PCDH9: variants seen among roughly 807,000 people sequenced by gnomAD.
PCDH9 encodes the protein protocadherin 9, also known as protocadherin-9.
PCDH9 carries 24 observed loss-of-function variants against 70.6 expected under a neutral mutation model. The ratio of observed to expected loss-of-function variants is 0.34; its 90% confidence interval spans 0.25 to 0.48. The LOEUF (loss-of-function observed/expected upper bound fraction) is 0.48. Ranked by LOEUF, PCDH9 falls within the 20% of genes least tolerant of loss-of-function variation. PCDH9 has a pLI of 0.99. For missense variants in PCDH9, 1,281 were observed against 1,503.6 expected (o/e 0.85, Z 2.45); for synonymous variants, 562 against 558.5 (o/e 1.01, Z -0.09).
chr13:66,713,373 A>G lies in PCDH9; in HGVS notation c.3139-81962T>C, dbSNP rs932116855. On this transcript the variant is annotated intron_variant, in intron 3 of 4. Transcript: ENST00000377865. ...TGCTGTCTTAGGAAAATAAAATTCA[A>G]AGTAGTGGCCAGACATAGCATTATC... 1.3e-5 allele frequency among the ~76,000 whole-genome samples: 2 copies of G among 151,776 alleles called. 1 individual carries two copies. Among genetic ancestry groups the G allele is most frequent in the Admixed American group, 1.3e-4 (2 of 15,236 alleles).
intron 2 of PCDH9, among the ~76,000 whole-genome samples, chr13:66,931,022 T>G (rs1311960123): frequency 6.6e-6 from 1 of 152,136 alleles, no homozygotes; most frequent in African/African-American, 2.4e-5. Flanking sequence ...ACTGAATGTG[T>G]TCAGGGTTTT....
At chr13:66,869,334 C>T (rs188477899) in intron 3 of PCDH9, among the ~76,000 whole-genome samples, 23 of 152,158 alleles carry the variant, frequency 1.5e-4, no homozygotes, top group Admixed American at 1.4e-3. Context: ...TTCTTGAAGG[C>T]CTACAGTAGG....
intron 2 of PCDH9, among the ~76,000 whole-genome samples, chr13:66,924,892 G>C (rs1324526831): frequency 1.3e-5 from 2 of 151,730 alleles, no homozygotes. Flanking sequence ...GGGCAAACTG[G>C]AACACTGGAA....
intron 3 of PCDH9, among the ~76,000 whole-genome samples, chr13:66,850,160 A>G (rs1036143119): frequency 6.6e-6 from 1 of 152,230 alleles, no homozygotes; most frequent in Non-Finnish European, 1.5e-5. Context: ...TGATTGCTTA[A>G]GAACACTAAA....
At chr13:66,563,480 G>C (rs1031442004) in intron 4 of PCDH9, among the ~76,000 whole-genome samples, 2 of 152,220 alleles carry the variant, frequency 1.3e-5, no homozygotes, top group South Asian at 2.1e-4. Flanking sequence ...TTACAAATGA[G>C]AGCATGTCTT....
chr13:66,622,379 G>T (rs1178273323), intron 4 of PCDH9, among the ~76,000 whole-genome samples: 5 of 152,198 alleles, frequency 3.3e-5, no homozygotes, highest in Non-Finnish European at 5.9e-5. Context: ...CAGCCCCGGT[G>T]CAGGAGCCAC....
chr13:66,697,541 A>G, intron 3 of PCDH9, among the ~76,000 whole-genome samples: 1 of 152,228 alleles, frequency 6.6e-6, no homozygotes, highest in East Asian at 1.9e-4. Flanking sequence ...ATTTAAAACA[A>G]GATTTTTCAA....
chr13:66,427,831 A>C (rs764752468), intron 4 of PCDH9, among the ~76,000 whole-genome samples: 1 of 151,724 alleles, frequency 6.6e-6, no homozygotes, highest in South Asian at 2.1e-4. Context: ...AACTCACAGT[A>C]AAGTGTTCGG....
chr13:66,850,444 G>C (rs1013827316), intron 3 of PCDH9, among the ~76,000 whole-genome samples: 7 of 151,768 alleles, frequency 4.6e-5, no homozygotes, highest in African/African-American at 1.7e-4. Flanking sequence ...CTAGGAGGCG[G>C]AGTTTGCAGT....
intron 2 of PCDH9, among the ~76,000 whole-genome samples, chr13:66,925,703 A>T (rs1179117504): frequency 6.6e-6 from 1 of 151,942 alleles, no homozygotes; most frequent in Admixed American, 6.6e-5. Context: ...TCCCTTTATC[A>T]AAACGTTTAT....
rs753572065 is a variant in PCDH9, at chr13:66,644,243, G to T, written c.3139-12832C>A. ...TATTATCTAGGGTATAAAAAAACAT[G>T]ATAAGTTAACACTAACATTAACTAT... On this transcript the variant is annotated intron_variant, in intron 3 of 4. Transcript: ENST00000377865. Among the ~76,000 whole-genome samples the T allele has an allele frequency of 2.6e-5, 4 of 151,782 alleles. No homozygotes were observed. In the East Asian group the frequency reaches 7.7e-4, roughly 29 times the overall value.
In PCDH9 at chr13:67,064,990, G is replaced by A. The variant is rs527556304; in HGVS notation, c.3036+160415C>T. Among the ~76,000 whole-genome samples, 10 of 152,170 alleles carry A rather than the reference G, an allele frequency of 6.6e-5. No homozygotes were observed. In the East Asian group the frequency reaches 1.9e-3, roughly 29 times the overall value. On this transcript the variant is annotated intron_variant, in intron 2 of 4. Transcript: ENST00000377865. ...ATTTATACATATATCTCCAAAAATG[G>A]AACCTGAATGAACCTAAGGGATTAT...
At chr13:66,492,239 A>G (rs1959045722) in intron 4 of PCDH9, among the ~76,000 whole-genome samples, 1 of 151,998 alleles carries the variant, frequency 6.6e-6, no homozygotes, top group Non-Finnish European at 1.5e-5. Context: ...AGCTGTTGCT[A>G]TTTACTTTCA....
chr13:67,048,124 T>C lies in PCDH9; in HGVS notation c.3037-144519A>G, dbSNP rs144663186. Among the ~76,000 whole-genome samples the C allele has an allele frequency of 3.8e-3, 575 of 152,298 alleles. 4 individuals are homozygous for C. Among genetic ancestry groups the C allele is most frequent in the Middle Eastern group, 6.8e-3 (2 of 294 alleles). Reference sequence around the variant, plus strand: ...TCTAAACTGTGAATAGTGAAATTGCTTTATCCCTAAAGGAGATTTTGAAGG... The same window carrying C: ...TCTAAACTGTGAATAGTGAAATTGCCTTATCCCTAAAGGAGATTTTGAAGG... On this transcript the variant is annotated intron_variant, in intron 2 of 4. Transcript: ENST00000377865.
At chr13:66,454,321 C>T (rs1958274738) in intron 4 of PCDH9, among the ~76,000 whole-genome samples, 1 of 152,152 alleles carries the variant, frequency 6.6e-6, no homozygotes, top group African/African-American at 2.4e-5. Flanking sequence ...TATCCACTGT[C>T]ACATTTTTAA....
At chr13:66,903,820 TA>T (rs1212498314) in intron 2 of PCDH9, among the ~76,000 whole-genome samples, 2 of 152,018 alleles carry the variant, frequency 1.3e-5, no homozygotes, top group Non-Finnish European at 2.9e-5. Context: ...TTACTAAAAC[TA>T]AAGAAATATA....
intron 2 of PCDH9, among the ~76,000 whole-genome samples, chr13:66,948,590 T>C (rs2083127559): frequency 6.6e-6 from 1 of 151,806 alleles, no homozygotes; most frequent in African/African-American, 2.4e-5. Flanking sequence ...AACTCCATGA[T>C]ACAAAAGTAT....
chr13:66,335,184 T>A (rs764386973), intron 4 of PCDH9, among the ~76,000 whole-genome samples: 1 of 152,100 alleles, frequency 6.6e-6, no homozygotes, highest in Non-Finnish European at 1.5e-5. Flanking sequence ...GCAGGACATA[T>A]AAAAGAAAGC....
intron 2 of PCDH9, among the ~76,000 whole-genome samples, chr13:66,941,058 C>T (rs1436935824): frequency 6.6e-6 from 1 of 151,504 alleles, no homozygotes; most frequent in Non-Finnish European, 1.5e-5. Flanking sequence ...GATTCACTAC[C>T]CCAAAATTCA....
Sources: allele counts gnomAD v4.1 joint callset (sites outside exome capture counted in the v4.1 genomes callset), GRCh38; gene constraint gnomAD v4.1.1; transcripts MANE v1.5; gene names NCBI Gene and HGNC (gene_info 2026-07-23, HGNC 2026-07-21).